UNC79: variants seen among roughly 807,000 people sequenced by gnomAD.
The protein encoded by UNC79 is protein unc-79 homolog.
A neutral mutation model predicts 283.1 loss-of-function variants in UNC79; 37 were observed. The ratio of observed to expected loss-of-function variants is 0.13; its 90% CI spans 0.10 to 0.17. The LOEUF is 0.17. UNC79 is among the 10% of genes least tolerant of loss of function. UNC79 has a pLI of 1.00. For synonymous variants in UNC79, 1,107 were observed against 1,200.2 expected, an observed-to-expected ratio of 0.92 and a Z score of 1.61; for missense variants, 2,272 against 3,211.1, an observed-to-expected ratio of 0.71 and a Z score of 7.07.
At chr14:93,644,416 C>T (rs1397701412) in intron 34 of UNC79, among the ~76,000 whole-genome samples, 1 of 152,212 alleles carries the variant, frequency 6.6e-6, no homozygotes, top group Non-Finnish European at 1.5e-5. Flanking sequence ...AATGTATTAA[C>T]ATTTCCAATC....
chr14:93,414,427 T>G (rs1359781653), intron 1 of UNC79, among the ~76,000 whole-genome samples: 4 of 152,168 alleles, frequency 2.6e-5, no homozygotes, highest in Non-Finnish European at 5.9e-5. Context: ...TTGGTTACTG[T>G]AGCCTTGTAG....
chr14:93,639,769 T>C (rs1003966291), intron 32 of UNC79, among the ~76,000 whole-genome samples: 2 of 152,358 alleles, frequency 1.3e-5, no homozygotes, highest in Admixed American at 6.5e-5. Flanking sequence ...CTCAACACTA[T>C]TTTTTCTTCC....
chr14:93,503,442 G>T (rs1436074883), intron 7 of UNC79, among the ~76,000 whole-genome samples: 1 of 152,056 alleles, frequency 6.6e-6, no homozygotes, highest in Non-Finnish European at 1.5e-5. Flanking sequence ...ATTGGAGGAT[G>T]TACATATATC....
At chr14:93,440,064 TA>T (rs1046871493) in intron 1 of UNC79, among the ~76,000 whole-genome samples, 1 of 151,996 alleles carries the variant, frequency 6.6e-6, no homozygotes, top group African/African-American at 2.4e-5. Context: ...AATAGTACAA[TA>T]AAAAAATACA....
intron 14 of UNC79, among the ~76,000 whole-genome samples, chr14:93,568,128 C>T (rs1295777029): frequency 2.6e-5 from 4 of 152,010 alleles, no homozygotes; most frequent in Non-Finnish European, 5.9e-5. Flanking sequence ...TTCCCTTTAG[C>T]TTAGTAATTT....
At chr14:93,636,338 G>T (rs1042503998) in intron 31 of UNC79, among the ~76,000 whole-genome samples, 1 of 152,074 alleles carries the variant, frequency 6.6e-6, no homozygotes, top group African/African-American at 2.4e-5. Flanking sequence ...GGTTCTCGTG[G>T]TTCTCGAGTC....
At chr14:93,489,766 G>T (rs1055079970) in intron 5 of UNC79, among the ~76,000 whole-genome samples, 1 of 152,218 alleles carries the variant, frequency 6.6e-6, no homozygotes, top group East Asian at 1.9e-4. Flanking sequence ...CCAAGACCCT[G>T]CCCCTGTGGC....
At chr14:93,481,058 C>T (rs1162184034) in intron 4 of UNC79, among the ~76,000 whole-genome samples, 1 of 152,108 alleles carries the variant, frequency 6.6e-6, no homozygotes, top group African/African-American at 2.4e-5. Context: ...AAGAGGCCAG[C>T]ATGTATATCA....
At chr14:93,336,221 G>A (rs1014458369) in intron 1 of UNC79, among the ~76,000 whole-genome samples, 3 of 152,092 alleles carry the variant, frequency 2.0e-5, no homozygotes, top group African/African-American at 7.2e-5. Flanking sequence ...TAACAATCCT[G>A]TTTTCATGCA....
intron 47 of UNC79, among the ~76,000 whole-genome samples, chr14:93,699,526 T>C (rs1388715768): frequency 6.6e-6 from 1 of 152,160 alleles, no homozygotes; most frequent in Non-Finnish European, 1.5e-5. Flanking sequence ...TCTTTGCCCC[T>C]TAAGTTGTTT....
intron 16 of UNC79, among the ~76,000 whole-genome samples, chr14:93,573,654 C>T (rs529978947): frequency 3.3e-5 from 5 of 152,268 alleles, no homozygotes; most frequent in South Asian, 2.1e-4. Context: ...GACACCTTTT[C>T]GAAACTAAAG....
chr14:93,648,559 G>A (rs2069886381), intron 35 of UNC79, among the ~76,000 whole-genome samples: 1 of 151,766 alleles, frequency 6.6e-6, no homozygotes, highest in African/African-American at 2.4e-5. Context: ...CTAGGTTTTG[G>A]TTTAAACAAC....
intron 25 of UNC79, 82 bp downstream of exon 25, chr14:93,600,852 G>T: frequency 6.7e-7 from 1 of 1,484,858 alleles, no homozygotes; most frequent in South Asian, 1.2e-5. Context: ...TTGGCATGTC[G>T]TTTAATTCCT....
intron 31 of UNC79, among the ~76,000 whole-genome samples, 179 bp downstream of exon 33, chr14:93,631,087 C>T (rs1467160377): frequency 4.6e-5 from 7 of 152,050 alleles, no homozygotes; most frequent in African/African-American, 1.7e-4. Flanking sequence ...GGCCCACTTT[C>T]GTCCGTATCT....
intron 10 of UNC79, among the ~76,000 whole-genome samples, chr14:93,530,791 C>A (rs1290430123): frequency 1.3e-5 from 2 of 152,108 alleles, no homozygotes; most frequent in South Asian, 2.1e-4. Flanking sequence ...CACCTGTAGT[C>A]CCAGCTACTC....
chr14:93,585,603 G>A (rs1368154238), intron 20 of UNC79, among the ~76,000 whole-genome samples: 1 of 152,082 alleles, frequency 6.6e-6, no homozygotes, highest in African/African-American at 2.4e-5. Context: ...CTGATCCTAG[G>A]GATTGCCAAA....
rs1409662472 is a variant in UNC79, at chr14:93,519,055, TG to T, written c.899-4922del. Among the ~76,000 whole-genome samples, 3 of 151,844 alleles carry T rather than the reference TG, an allele frequency of 2.0e-5. No individual in the cohort carries two copies. In the East Asian group the frequency reaches 5.8e-4, roughly 29 times the overall value. ...TAAAATAGGTTAAGTTGTTTGAGAG[TG>T]TTTTCAAGTCTTATATATTTGCTGA... is the stretch of plus-strand genomic sequence containing the variant. On this transcript the variant is annotated intron_variant, in intron 7 of 48. Coordinates refer to ENST00000555664, the Ensembl canonical transcript of UNC79.
chr14:93,576,029 C>T (rs574520264), intron 17 of UNC79, among the ~76,000 whole-genome samples: 6 of 152,372 alleles, frequency 3.9e-5, no homozygotes, highest in African/African-American at 1.4e-4. Context: ...CAGCTGCTAA[C>T]CATCTGTACT....
At chr14:93,517,776 AT>A (rs2060134774) in intron 7 of UNC79, among the ~76,000 whole-genome samples, 1 of 151,468 alleles carries the variant, frequency 6.6e-6, no homozygotes, top group African/African-American at 2.4e-5. Context: ...TATGTTTTTA[AT>A]TTTGGTTATT....
Sources: allele counts gnomAD v4.1 joint callset (sites outside exome capture counted in the v4.1 genomes callset), GRCh38; gene constraint gnomAD v4.1.1; transcripts MANE v1.5; gene names NCBI Gene and HGNC (gene_info 2026-07-23, HGNC 2026-07-21).